Variants in JPH3 observed in about 807,000 individuals in gnomAD.
JPH3 encodes the protein junctophilin 3, also known as junctophilin-3.
A neutral mutation model predicts 59.6 loss-of-function variants in JPH3; 11 were observed. The ratio of observed to expected loss-of-function variants is 0.18; its 90% CI spans 0.12 to 0.31. JPH3 has a LOEUF of 0.31. JPH3 is among the 10% of genes least tolerant of loss of function. JPH3 has a pLI of 1.00. For missense variants in JPH3, 1,202 were observed against 1,105.7 expected (o/e 1.09, Z -1.24); for synonymous variants, 673 against 483.6 (o/e 1.39, Z -5.14).
intron 1 of JPH3, among the ~76,000 whole-genome samples, chr16:87,643,360 A>T (rs141893400): frequency 4.8e-4 from 73 of 151,884 alleles, no homozygotes; most frequent in African/African-American, 1.7e-3. Context: ...CCAGGTGCAC[A>T]GGCAGCTGCT....
At chr16:87,661,109 C>T (rs906934444) in intron 2 of JPH3, among the ~76,000 whole-genome samples, 3 of 152,224 alleles carry the variant, frequency 2.0e-5, no homozygotes, top group African/African-American at 7.2e-5. Flanking sequence ...TGTTCCTTGC[C>T]TTTCCCAGCT....
At chr16:87,627,887 C>T (rs958986875) in intron 1 of JPH3, among the ~76,000 whole-genome samples, 1 of 152,212 alleles carries the variant, frequency 6.6e-6, no homozygotes, top group Non-Finnish European at 1.5e-5. Context: ...CTGCAGGCCA[C>T]CCCGCCCCTC....
In JPH3 at chr16:87,668,422, C is replaced by T. The variant is rs184932062; in HGVS notation, c.1161-15720C>T. ...CCTGTTCAAATCCTGGCCCTACTCACGGGAACTTGGGTGAGTCAGTTCCCT... is the reference window on the plus strand; with the variant it reads ...CCTGTTCAAATCCTGGCCCTACTCATGGGAACTTGGGTGAGTCAGTTCCCT... On this transcript the variant is annotated intron_variant, in intron 2 of 4. Coordinates refer to ENST00000284262, the MANE Select transcript of JPH3 (RefSeq NM_020655.4). Among the ~76,000 whole-genome samples, 78 of 152,320 alleles carry T rather than the reference C, an allele frequency of 5.1e-4. No homozygotes were observed. The South Asian group carries it at 6.2e-3, about 12-fold the overall frequency.
At chr16:87,692,823 C>T (rs1034588828) in intron 4 of JPH3, among the ~76,000 whole-genome samples, 3 of 152,200 alleles carry the variant, frequency 2.0e-5, no homozygotes, top group African/African-American at 7.2e-5. Flanking sequence ...CGGGCAGCCA[C>T]GCCCTCGCCC....
intron 1 of JPH3, among the ~76,000 whole-genome samples, chr16:87,609,802 C>T (rs2030665477): frequency 6.6e-6 from 1 of 152,170 alleles, no homozygotes; most frequent in African/African-American, 2.4e-5. Flanking sequence ...CTTTTTGGCA[C>T]CAGGGACCTG....
At chr16:87,684,764 C>T (rs939865569) in intron 3 of JPH3, among the ~76,000 whole-genome samples, 16 of 152,224 alleles carry the variant, frequency 1.1e-4, no homozygotes, top group African/African-American at 3.9e-4. Flanking sequence ...ATGGCAGCTC[C>T]CGCTGTGCCC....
chr16:87,624,022 G>A (rs931340076), intron 1 of JPH3, among the ~76,000 whole-genome samples: 5 of 152,202 alleles, frequency 3.3e-5, no homozygotes, highest in Non-Finnish European at 5.9e-5. Flanking sequence ...GTAACTGTGC[G>A]GCCCTCCCCA....
chr16:87,650,124 T>C (rs2032284278), intron 2 of JPH3, among the ~76,000 whole-genome samples: 1 of 152,218 alleles, frequency 6.6e-6, no homozygotes. Flanking sequence ...CACCCGTGCA[T>C]GGGGCAAGCC....
chr16:87,657,547 TTTATG>T (rs1257837914), intron 2 of JPH3, among the ~76,000 whole-genome samples: 2 of 152,218 alleles, frequency 1.3e-5, no homozygotes, highest in African/African-American at 4.8e-5. Flanking sequence ...AGTGGCAAGT[TTTATG>T]TTATATTAAA....
At chr16:87,656,813 G>T (rs150453290) in intron 2 of JPH3, among the ~76,000 whole-genome samples, 67 of 152,292 alleles carry the variant, frequency 4.4e-4, no homozygotes, top group African/African-American at 1.4e-3. Context: ...GTGGGTGGCA[G>T]AAATGCATTT....
chr16:87,627,135 C>T (rs1451132044), intron 1 of JPH3, among the ~76,000 whole-genome samples: 1 of 152,368 alleles, frequency 6.6e-6, no homozygotes, highest in South Asian at 2.1e-4. Context: ...CATTAGTTGC[C>T]AAAGTTCTCC....
At chr16:87,681,608 G>A (rs1199845067) in intron 2 of JPH3, among the ~76,000 whole-genome samples, 1 of 147,546 alleles carries the variant, frequency 6.8e-6, no homozygotes, top group Non-Finnish European at 1.5e-5. Context: ...GGTGATGACA[G>A]TGCCGGGAGG....
chr16:87,643,368 G>A (rs28479325), intron 1 of JPH3, among the ~76,000 whole-genome samples: 61,249 of 151,392 alleles, frequency 0.4, 12,582 homozygotes, highest in Middle Eastern at 0.52. Context: ...ACAGGCAGCT[G>A]CTGCAGTCCC....
chr16:87,635,278 C>T (rs117975753), intron 1 of JPH3, among the ~76,000 whole-genome samples: 2 of 152,182 alleles, frequency 1.3e-5, no homozygotes, highest in Non-Finnish European at 2.9e-5. Flanking sequence ...GGAGGTGGAG[C>T]ACCTGGTGAG....
intron 1 of JPH3, among the ~76,000 whole-genome samples, chr16:87,615,821 G>A (rs2030934735): frequency 6.6e-6 from 1 of 152,190 alleles, no homozygotes; most frequent in Non-Finnish European, 1.5e-5. Context: ...AGGGGGAGGC[G>A]AGTGGGGGAA....
intron 2 of JPH3, among the ~76,000 whole-genome samples, chr16:87,645,728 C>G (rs1460421074): frequency 1.3e-5 from 2 of 151,990 alleles, no homozygotes; most frequent in African/African-American, 4.8e-5. Context: ...CAGGATGGGG[C>G]CTTTAGGGCT....
intron 1 of JPH3, among the ~76,000 whole-genome samples, chr16:87,616,622 G>A (rs944491075): frequency 9.9e-5 from 15 of 152,058 alleles, no homozygotes; most frequent in South Asian, 4.1e-4. Flanking sequence ...GTGAGGAATA[G>A]ATCAGAGATC....
At chr16:87,661,478 C>T (rs1393316346) in intron 2 of JPH3, among the ~76,000 whole-genome samples, 1 of 152,248 alleles carries the variant, frequency 6.6e-6, no homozygotes, top group African/African-American at 2.4e-5. Context: ...GCAAAGCCTC[C>T]CGCTCTGAGC....
chr16:87,649,812 C>T (rs2032273193), intron 2 of JPH3, among the ~76,000 whole-genome samples: 1 of 150,658 alleles, frequency 6.6e-6, no homozygotes, highest in Non-Finnish European at 1.5e-5. Context: ...GACCCATTGG[C>T]TGCTTCTGCT....
Sources: allele counts gnomAD v4.1 joint callset (sites outside exome capture counted in the v4.1 genomes callset), GRCh38; gene constraint gnomAD v4.1.1; transcripts MANE v1.5; gene names NCBI Gene and HGNC (gene_info 2026-07-23, HGNC 2026-07-21).